The following CNTNAP2 variants were observed in gnomAD, a reference collection of about 807,000 sequenced individuals.
CNTNAP2 encodes the protein contactin associated protein 2, also known as contactin-associated protein-like 2.
Under a neutral mutation model 155.2 loss-of-function variants are expected in CNTNAP2, and 98 were observed. The ratio of observed to expected loss-of-function variants is 0.63; its 90% CI spans 0.54 to 0.75. The LOEUF (loss-of-function observed/expected upper bound fraction) is 0.75, where lower values mean the gene tolerates loss of function less well. Among genes scored for constraint, CNTNAP2 ranks in the 30% least tolerant of loss-of-function variants. The pLI, the probability that CNTNAP2 is intolerant of heterozygous loss-of-function variation, is 0.00. For missense variants in CNTNAP2, 1,727 were observed against 1,688.1 expected (o/e 1.02, Z -0.40); for synonymous variants, 651 against 631.2 (o/e 1.03, Z -0.47).
At chr7:147,314,925 C>T (rs1466378265) in intron 9 of CNTNAP2, among the ~76,000 whole-genome samples, 3 of 150,920 alleles carry the variant, frequency 2.0e-5, no homozygotes, top group Non-Finnish European at 4.4e-5. Flanking sequence ...CTGAATGAAG[C>T]AGACGGGTAA....
chr7:148,161,148 G>T (rs1329234864), intron 17 of CNTNAP2, among the ~76,000 whole-genome samples: 1 of 152,072 alleles, frequency 6.6e-6, no homozygotes, highest in Non-Finnish European at 1.5e-5. Flanking sequence ...GTTTGTCATT[G>T]TCCTGTGTCT....
chr7:148,036,451 C>A (rs747238533), intron 15 of CNTNAP2, among the ~76,000 whole-genome samples: 1 of 151,904 alleles, frequency 6.6e-6, no homozygotes, highest in Non-Finnish European at 1.5e-5. Context: ...GTTTCTGGGG[C>A]GAATTGCTTA....
chr7:146,821,627 A>G (rs1803285814), intron 2 of CNTNAP2, among the ~76,000 whole-genome samples: 1 of 152,134 alleles, frequency 6.6e-6, no homozygotes, highest in Non-Finnish European at 1.5e-5. Flanking sequence ...ATTTACAAGA[A>G]AAAAACAAAC....
intron 13 of CNTNAP2, among the ~76,000 whole-genome samples, chr7:147,884,292 G>A (rs963168756): frequency 3.9e-5 from 6 of 152,150 alleles, no homozygotes; most frequent in Non-Finnish European, 7.3e-5. Context: ...AAAATGGGGC[G>A]ATGCATCCAG....
At chr7:146,722,183 C>T (rs1801349640) in intron 1 of CNTNAP2, among the ~76,000 whole-genome samples, 2 of 151,880 alleles carry the variant, frequency 1.3e-5, no homozygotes, top group South Asian at 4.1e-4. Flanking sequence ...AGCCAGCATG[C>T]CCAGCCCTCC....
chr7:146,486,702 G>T (rs1797063698), intron 1 of CNTNAP2, among the ~76,000 whole-genome samples: 1 of 152,182 alleles, frequency 6.6e-6, no homozygotes, highest in Non-Finnish European at 1.5e-5. Context: ...AGATCTGGGA[G>T]CAAGTTTAAT....
chr7:147,456,816 A>G (rs557117296), intron 10 of CNTNAP2, among the ~76,000 whole-genome samples: 11 of 152,356 alleles, frequency 7.2e-5, no homozygotes, highest in African/African-American at 2.4e-4. Context: ...TAAAAGGATC[A>G]ACCATATTAA....
chr7:146,844,517 A>T (rs1803805870), intron 3 of CNTNAP2, among the ~76,000 whole-genome samples: 2 of 152,136 alleles, frequency 1.3e-5, no homozygotes, highest in South Asian at 4.1e-4. Context: ...TTAGAGAGAG[A>T]GAGAGGAAGT....
chr7:147,956,695 A>G (rs1223703920), intron 14 of CNTNAP2, among the ~76,000 whole-genome samples: 1 of 152,214 alleles, frequency 6.6e-6, no homozygotes, highest in Admixed American at 6.5e-5. Context: ...TTCATCCATC[A>G]TATCAGGAAA....
At chr7:146,330,144 T>A (rs1434369925) in intron 1 of CNTNAP2, among the ~76,000 whole-genome samples, 1 of 146,354 alleles carries the variant, frequency 6.8e-6, no homozygotes, top group Non-Finnish European at 1.5e-5. Flanking sequence ...TGCCTCAGCC[T>A]CCCAAGTAGC....
chr7:147,310,458 T>A (rs1362855556), intron 9 of CNTNAP2, among the ~76,000 whole-genome samples: 1 of 152,144 alleles, frequency 6.6e-6, no homozygotes, highest in Non-Finnish European at 1.5e-5. Flanking sequence ...CGGATAACAC[T>A]AAAGATAAGT....
chr7:147,733,369 C>A (rs1796778517), intron 13 of CNTNAP2, among the ~76,000 whole-genome samples: 1 of 152,026 alleles, frequency 6.6e-6, no homozygotes, highest in African/African-American at 2.4e-5. Flanking sequence ...GTTTTGTTCC[C>A]TTGGTCTATA....
At chr7:146,415,042 C>T (rs185782590) in intron 1 of CNTNAP2, among the ~76,000 whole-genome samples, 1 of 152,188 alleles carries the variant, frequency 6.6e-6, no homozygotes, top group Admixed American at 6.5e-5. Flanking sequence ...GGCAGAATGC[C>T]ATCGGTTAAT....
At chr7:147,793,107 G>T (rs1165958627) in intron 13 of CNTNAP2, among the ~76,000 whole-genome samples, 1 of 151,880 alleles carries the variant, frequency 6.6e-6, no homozygotes, top group South Asian at 2.1e-4. Flanking sequence ...CAGGTATATG[G>T]TTTTCAAAAA....
intron 4 of CNTNAP2, among the ~76,000 whole-genome samples, chr7:147,049,535 T>C (rs1480249256): frequency 1.1e-5 from 1 of 88,362 alleles, no homozygotes; most frequent in Non-Finnish European, 1.9e-5. Context: ...CATATAACTT[T>C]GAGTGGGGAA....
intron 1 of CNTNAP2, among the ~76,000 whole-genome samples, chr7:146,227,595 T>C (rs957300024): frequency 1.3e-5 from 2 of 152,110 alleles, no homozygotes; most frequent in Admixed American, 6.5e-5. Flanking sequence ...AAAGAGAACA[T>C]TGAGTGTATC....
At chr7:148,121,638 T>G (rs1311434664) in intron 16 of CNTNAP2, among the ~76,000 whole-genome samples, 1 of 152,210 alleles carries the variant, frequency 6.6e-6, no homozygotes, top group Admixed American at 6.5e-5. Context: ...GACTACATAT[T>G]GCTTTCCAGA....
chr7:147,202,195 C>T (rs568345445), intron 8 of CNTNAP2, among the ~76,000 whole-genome samples: 216 of 146,676 alleles, frequency 1.5e-3, no homozygotes, highest in African/African-American at 5.2e-3. Context: ...AGACAGTTGC[C>T]AAAATAATAA....
chr7:146,571,598 CAT>C lies in CNTNAP2; in HGVS notation c.98-202670_98-202669del, dbSNP rs546789999. 2.2e-3 allele frequency among the ~76,000 whole-genome samples: 338 copies of C among 152,224 alleles called. 3 individuals carry two copies. The highest frequency in any genetic ancestry group is 7.0e-3 in the African/African-American group (291 of 41,538). The stretch of plus-strand genomic sequence containing the variant: ...CAGCCTCTCCATCCCATGCAATTTT[CAT>C]ATGTCAACCTATTAATTTTGAAACA... On this transcript the variant is annotated intron_variant, in intron 1 of 23. Transcript: ENST00000361727.
Sources: gnomAD v4.1 joint callset for allele counts (sites outside exome capture counted in the v4.1 genomes callset) on GRCh38, gnomAD v4.1.1 for gene constraint, MANE v1.5 for transcripts, NCBI Gene and HGNC (gene_info 2026-07-23, HGNC 2026-07-21) for gene names.